TGIF1: variants seen among roughly 807,000 people sequenced by gnomAD.
TGIF1 encodes homeobox protein TGIF1.
In TGIF1, 4 loss-of-function variants were observed where a neutral mutation model predicts 19.3. The observed-to-expected ratio is 0.21, with a 90% CI of 0.10 to 0.47. The LOEUF is 0.47. Among genes scored for constraint, TGIF1 ranks in the 20% least tolerant of loss-of-function variants. The pLI is 0.98. For synonymous variants in TGIF1, 122 were observed against 129.3 expected (o/e 0.94, Z 0.38); for missense variants, 275 against 341.4 (o/e 0.81, Z 1.53).
At chr18:3,448,720 T>C (rs2082803249), upstream of TGIF1, 13 of 214,340 alleles carry the variant, frequency 6.1e-5, no homozygotes, top group African/African-American at 7.8e-5. Flanking sequence ...GGGGTGTCTT[T>C]TTTTTTTTTT....
rs557543525 is a variant in TGIF1 at position 3,452,225 on chromosome 18, T to C, written c.16+1720T>C. 1,875 of 811,796 alleles carry C rather than the reference T, an allele frequency of 2.3e-3. 4 individuals are homozygous for C. Among genetic ancestry groups the C allele is most frequent in the African/African-American group, 0.014 (772 of 53,784 alleles). 50.3% of individuals were successfully genotyped at this position (811,796 alleles called of 1,614,324 possible). ...TCCTGGGGTCCTCCTGCGCCCCCCC[T>C]CCTCCACCGGCGCGCTGCCCACAGC... On this transcript the variant is annotated intron_variant, in intron 1 of 2. Coordinates refer to ENST00000343820, the MANE Select transcript of TGIF1 (RefSeq NM_003244.4).
intron 2 of TGIF1, among the ~76,000 whole-genome samples, chr18:3,423,782 G>A (rs564513473): frequency 6.6e-6 from 1 of 152,238 alleles, no homozygotes; most frequent in African/African-American, 2.4e-5. Context: ...TGGAGCCCAG[G>A]AGGTCAAGGC....
upstream of TGIF1, among the ~76,000 whole-genome samples, chr18:3,445,889 T>A (rs982333583): frequency 6.6e-6 from 1 of 151,120 alleles, no homozygotes; most frequent in African/African-American, 2.4e-5. Flanking sequence ...TGGCATAATC[T>A]GAGGTTAGTT....
At chr18:3,447,695 T>G (rs768534057), upstream of TGIF1, 1 of 1,611,724 alleles carries the variant, frequency 6.2e-7, no homozygotes, top group Non-Finnish European at 8.5e-7. Context: ...ATTGTGCCAG[T>G]GTTTCTCTTT....
intron 2 of TGIF1, among the ~76,000 whole-genome samples, chr18:3,442,639 C>T (rs1428731240): frequency 6.6e-6 from 1 of 152,108 alleles, no homozygotes; most frequent in Admixed American, 6.6e-5. Context: ...AATCCAAGCA[C>T]TTTGGGAGAC....
At chr18:3,447,751 G>A, upstream of TGIF1, 5 of 1,614,094 alleles carry the variant, frequency 3.1e-6, no homozygotes, top group South Asian at 1.1e-5. Context: ...TGACTTGCTC[G>A]GGCAAAAGTT....
In TGIF1 at chr18:3,451,828, G is replaced by C; in HGVS notation, c.16+1323G>C. ...CGGGACGGAGGGAGGACTCGGGACAGGGAATTGGCCCTGGGAGAAAACGCG... is the reference window on the plus strand; with the variant it reads ...CGGGACGGAGGGAGGACTCGGGACACGGAATTGGCCCTGGGAGAAAACGCG... On this transcript the variant is annotated intron_variant, in intron 1 of 2. Coordinates refer to ENST00000343820, the MANE Select transcript of TGIF1 (RefSeq NM_003244.4). The surrounding 1 kb of genome is among the most constrained non-coding windows in gnomAD (Gnocchi z 5.4). 7.4e-7 allele frequency: 1 copy of C among 1,353,650 alleles called. No homozygotes were observed. Among genetic ancestry groups the C allele is most frequent in the Non-Finnish European group, 9.5e-7 (1 of 1,052,472 alleles). The allele number at this position is 1,353,650 out of a possible 1,614,324, so 83.9% of individuals were successfully genotyped here. A position where few individuals can be genotyped will look rare whatever the true frequency, so the allele number is the denominator to read the frequency against.
chr18:3,419,697 A>C (rs1210294204), intron 2 of TGIF1, among the ~76,000 whole-genome samples: 1 of 152,228 alleles, frequency 6.6e-6, no homozygotes, highest in African/African-American at 2.4e-5. Flanking sequence ...TATAAAAATT[A>C]GTCTCCAACT....
At position 3,457,607 on chromosome 18, in the gene TGIF1, C is replaced by T; in HGVS notation, c.486C>T (p.Ser162=). 3 of 1,614,210 alleles carry T rather than the reference C, an allele frequency of 1.9e-6. No individual in the cohort carries two copies. Among genetic ancestry groups the T allele is most frequent in the Non-Finnish European group, 2.5e-6 (3 of 1,180,032 alleles). Residue 162 remains serine, a synonymous_variant, in exon 3 of 3, where the codon TCC becomes TCT. Coordinates refer to ENST00000343820, the MANE Select transcript of TGIF1 (RefSeq NM_003244.4). This position sits in a 1 kb window ranked among gnomAD's most constrained non-coding sequence, Gnocchi z 4.9. ...LGRPLSPKPS[S]PGSVLARPSV... ...GGCCACTGTCTCCTAAGCCGTCATC[C>T]CCGGGATCAGTTTTGGCTCGTCCAT...
At chr18:3,427,725 G>A (rs888025227) in intron 2 of TGIF1, among the ~76,000 whole-genome samples, 6 of 151,008 alleles carry the variant, frequency 4.0e-5, no homozygotes, top group African/African-American at 9.8e-5. Context: ...TCAGCCACCC[G>A]AGTAACTGGG....
chr18:3,449,006 G>A (rs1349835424), upstream of TGIF1, among the ~76,000 whole-genome samples: 1 of 152,060 alleles, frequency 6.6e-6, no homozygotes, highest in African/African-American at 2.4e-5. Context: ...TGTGTGGCAT[G>A]TGACAGTTCG....
At chr18:3,438,596 A>ACACACACACACACACACACACACACAC (rs1555647866) in intron 2 of TGIF1, among the ~76,000 whole-genome samples, 1 of 135,998 alleles carries the variant, frequency 7.4e-6, no homozygotes, top group Non-Finnish European at 1.6e-5. Context: ...CATACACACA[A>ACACACACACACACACACACACACACAC]ACACACACAC....
In TGIF1 at chr18:3,459,939, T is replaced by C. The variant is rs2049467282; in HGVS notation, c.*1999T>C. On this transcript the variant is annotated 3_prime_UTR_variant, in exon 3 of 3. Transcript: ENST00000343820. The stretch of plus-strand genomic sequence containing the variant: ...ATAGAAATGATTTTTATGCTTATAA[T>C]TTACATGGTGCAATATATCTTTTTA... 1 of 152,204 alleles carries C rather than the reference T, an allele frequency of 6.6e-6. No individual in the cohort carries two copies. The highest frequency in any genetic ancestry group is 1.5e-5 in the Non-Finnish European group (1 of 68,032). 9.4% of individuals were successfully genotyped at this position (152,204 alleles called of 1,614,324 possible). A position where few individuals can be genotyped will look rare whatever the true frequency, so the allele number is the denominator to read the frequency against.
At chr18:3,428,903 A>T (rs2082510381) in intron 2 of TGIF1, among the ~76,000 whole-genome samples, 1 of 151,908 alleles carries the variant, frequency 6.6e-6, no homozygotes, top group African/African-American at 2.4e-5. Context: ...AAAAAATAAA[A>T]TAAGCCGAGC....
At chr18:3,431,239 G>T (rs1227880120) in intron 2 of TGIF1, among the ~76,000 whole-genome samples, 1 of 152,146 alleles carries the variant, frequency 6.6e-6, no homozygotes, top group East Asian at 1.9e-4. Flanking sequence ...CTGAGGTCAG[G>T]AGTTCAAGAC....
chr18:3,419,067 T>A (rs893047592), intron 2 of TGIF1, among the ~76,000 whole-genome samples: 7 of 151,908 alleles, frequency 4.6e-5, no homozygotes, highest in Non-Finnish European at 5.9e-5. Flanking sequence ...TCAAAAAAAA[T>A]TTAAAAATAA....
At chr18:3,439,848 C>T (rs996224003) in intron 2 of TGIF1, among the ~76,000 whole-genome samples, 1 of 151,392 alleles carries the variant, frequency 6.6e-6, no homozygotes, top group African/African-American at 2.4e-5. Flanking sequence ...TAGTGAAACC[C>T]GGTCTCTAAA....
chr18:3,430,985 C>T (rs892494805), intron 2 of TGIF1, among the ~76,000 whole-genome samples: 4 of 151,990 alleles, frequency 2.6e-5, no homozygotes, highest in African/African-American at 9.7e-5. Flanking sequence ...CTGAAATGAC[C>T]GATTCCAGGG....
chr18:3,412,691 A>T (rs933875319), intron 1 of TGIF1, among the ~76,000 whole-genome samples: 1 of 152,180 alleles, frequency 6.6e-6, no homozygotes, highest in African/African-American at 2.4e-5. Flanking sequence ...GTGGTTCCTT[A>T]TATCGAGTGG....
Sources: allele counts gnomAD v4.1 joint callset (sites outside exome capture counted in the v4.1 genomes callset), GRCh38; gene constraint gnomAD v4.1.1; non-coding constraint Gnocchi (gnomAD v3.1); transcripts MANE v1.5; gene names NCBI Gene and HGNC (gene_info 2026-07-23, HGNC 2026-07-21).